Variants in ZNF749 observed in about 807,000 individuals in gnomAD.
ZNF749 encodes zinc finger protein 749.
Under a neutral mutation model 7.3 loss-of-function variants are expected in ZNF749, and 8 were observed. The observed-to-expected ratio is 1.10, with a 90% CI of 0.64 to 1.98. ZNF749 has a LOEUF of 1.98. Among genes scored for constraint, ZNF749 ranks in the 30% most tolerant of loss-of-function variants. The pLI, the probability that ZNF749 is intolerant of heterozygous loss-of-function variation, is 0.00. For synonymous variants in ZNF749, 310 were observed against 322.4 expected (o/e 0.96, Z 0.41); for missense variants, 898 against 932.4 (o/e 0.96, Z 0.48).
In ZNF749 at chr19:57,439,255, T is replaced by TG. The variant is rs1222037350; in HGVS notation, c.16-2624dup. Among the ~76,000 whole-genome samples, 1 of 149,454 alleles carries TG rather than the reference T, an allele frequency of 6.7e-6. No individual in the cohort carries two copies. The highest frequency in any genetic ancestry group is 1.5e-5 in the Non-Finnish European group (1 of 67,318). On this transcript the variant is annotated intron_variant, in intron 1 of 2. Coordinates refer to ENST00000334181, the MANE Select transcript of ZNF749 (RefSeq NM_001023561.4). This position sits in a 1 kb window ranked among gnomAD's most constrained non-coding sequence, Gnocchi z 4.3. ...GTGGCGGTGGTGGAAGTGGGAGGAG[T>TG]GGGGGGCTTCTGTATGTGTTTGATC...
At position 57,443,696 on chromosome 19, in the gene ZNF749, C is replaced by A. The variant is rs1220346935; in HGVS notation, c.548C>A (p.Thr183Asn). 1 of 1,613,994 alleles carries A rather than the reference C, an allele frequency of 6.2e-7. No individual in the cohort carries two copies. Among genetic ancestry groups the A allele is most frequent in the Admixed American group, 1.7e-5 (1 of 60,008 alleles). The change falls in exon 3 of 3, where the codon ACC (threonine) becomes AAC (asparagine). Residue 183 changes from threonine (T) to asparagine (N), a missense_variant. Thr to Asn is a moderately conservative substitution (Grantham distance 65). Transcript: ENST00000334181. ...LNSGWKLYRD[T>N]QDGEAFQGEQ... ...AGTGGGTGGAAGCTGTACAGGGATA[C>A]CCAGGATGGGGAAGCCTTTCAAGGT... is the stretch of plus-strand genomic sequence containing the variant.
Position 57,435,449 on chromosome 19 carries a change from GTTCC to G in ZNF749, c.-126_-123del, listed in dbSNP as rs2088924705. The G allele has an allele frequency of 7.3e-7, 1 of 1,373,654 alleles. No homozygotes were observed. The highest frequency in any genetic ancestry group is 2.0e-5 in the Admixed American group (1 of 50,396). 85.1% of individuals were successfully genotyped at this position (1,373,654 alleles called of 1,614,324 possible). A position where few individuals can be genotyped will look rare whatever the true frequency, so the allele number is the denominator to read the frequency against. On this transcript the variant is annotated 5_prime_UTR_variant, in exon 1 of 3. Transcript: ENST00000334181. ...AGAGCGGAAAAACGCGAGAAGCGGT[GTTCC>G]TTCTACACAGAGGCTAGAGTGCGGA... is the stretch of plus-strand genomic sequence containing the variant.
At position 57,442,176 on chromosome 19, in the gene ZNF749, T is replaced by C. The variant is rs2088997851; in HGVS notation, c.142+165T>C. 6.6e-6 allele frequency among the ~76,000 whole-genome samples: 1 copy of C among 152,210 alleles called. No individual in the cohort carries two copies. On this transcript the variant is annotated intron_variant, in intron 2 of 2. Transcript: ENST00000334181. The surrounding 1 kb of genome is among the most constrained non-coding windows in gnomAD (Gnocchi z 6.6). ...GCAGCCAGAGCTGGGCTGTGTATAC[T>C]GTACCACCTCCCCTTAAGCAGCCCC...
rs2089000354 is a variant in ZNF749 at position 57,442,375 on chromosome 19, T to C, written c.142+364T>C. On this transcript the variant is annotated intron_variant, in intron 2 of 2. Transcript: ENST00000334181. This position sits in a 1 kb window ranked among gnomAD's most constrained non-coding sequence, Gnocchi z 6.6. Reference sequence around the variant, plus strand: ...CCCTTGCTGACATACTTGGAGACAGTGTCTGTGCTAGGAATTTCAGGCACC... The same window carrying C: ...CCCTTGCTGACATACTTGGAGACAGCGTCTGTGCTAGGAATTTCAGGCACC... Among the ~76,000 whole-genome samples the C allele has an allele frequency of 6.6e-6, 1 of 152,204 alleles. No individual in the cohort carries two copies. Among genetic ancestry groups the C allele is most frequent in the Non-Finnish European group, 1.5e-5 (1 of 68,036 alleles).
chr19:57,438,975 G>A (rs1298642803), intron 1 of ZNF749, among the ~76,000 whole-genome samples: 1 of 152,230 alleles, frequency 6.6e-6, no homozygotes, highest in Non-Finnish European at 1.5e-5. Flanking sequence ...TGGCAGCAGG[G>A]TAGGAGGTTG....
Position 57,445,158 on chromosome 19 carries a change from C to T in ZNF749, c.2010C>T (p.Cys670=). 2 of 1,614,104 alleles carry T rather than the reference C, an allele frequency of 1.2e-6. No individual in the cohort carries two copies. The highest frequency in any genetic ancestry group is 1.7e-5 in the Admixed American group (1 of 60,010). ...ATACTGGAGAAAAGCCTTATGAATG[C>T]AGCAACTGTGGGAAGTTTCTTAGAT... ...RVHTGEKPYE[C]SNCGKFLRYR... is the part of the protein sequence containing the mutation. Residue 670 remains cysteine, a synonymous_variant, in exon 3 of 3, where the codon TGC becomes TGT. Transcript: ENST00000334181.
chr19:57,434,940 C>A (rs1293443244), upstream of ZNF749, among the ~76,000 whole-genome samples: 3 of 152,192 alleles, frequency 2.0e-5, no homozygotes, highest in Non-Finnish European at 4.4e-5. Context: ...TTCTTCCTTT[C>A]GGGACTTGCT....
Position 57,444,821 on chromosome 19 carries a change from G to A in ZNF749, c.1673G>A (p.Cys558Tyr), listed in dbSNP as rs751207138. The A allele has an allele frequency of 1.9e-6, 3 of 1,614,084 alleles. No individual in the cohort carries two copies. The South Asian group carries it at 3.3e-5, about 18-fold the overall frequency. ...GACCTCAGGCCAAGGCCTTATGTGT[G>A]TAGTGAATGTGGGAAGGCCTTCCTT... ...RIDLRPRPYVCSECGKAFLTQ... is the reference protein window; with the variant it reads ...RIDLRPRPYVYSECGKAFLTQ... The change falls in exon 3 of 3, where the codon TGT becomes TAT. Residue 558 changes from cysteine to tyrosine, a missense_variant. Physicochemically the swap from Cys to Tyr is radical, Grantham distance 194. Coordinates refer to ENST00000334181, the MANE Select transcript of ZNF749 (RefSeq NM_001023561.4).
chr19:57,437,639 G>A (rs28688907), intron 1 of ZNF749, among the ~76,000 whole-genome samples: 1,949 of 150,268 alleles, frequency 0.013, 49 homozygotes, highest in African/African-American at 0.045. Context: ...CAGGAGAATC[G>A]TTTGAACCCG....
At chr19:57,429,430 G>T in the ZNF749 span, among the ~76,000 whole-genome samples, 1 of 152,098 alleles carries the variant, frequency 6.6e-6, no homozygotes, top group Non-Finnish European at 1.5e-5. This position sits in a 1 kb window ranked among gnomAD's most constrained non-coding sequence, Gnocchi z 4.2. Flanking sequence ...TATATACCCA[G>T]AAGTAAAATT....
At position 57,446,033 on chromosome 19, in the gene ZNF749, TG is replaced by T. The variant is rs2089061998; in HGVS notation, c.*549del. ...TTCAGTAGTGTTAAGTCATTCGCAT[TG>T]TTGTCAATTAATATCCAGAAGTTTT... On this transcript the variant is annotated 3_prime_UTR_variant, in exon 3 of 3. Transcript: ENST00000334181. 6.6e-6 allele frequency among the ~76,000 whole-genome samples: 1 copy of T among 152,208 alleles called. No homozygotes were observed.
At chr19:57,435,743 C>T (rs993345554) in intron 1 of ZNF749, 150 bp downstream of exon 1, 15 of 1,408,404 alleles carry the variant, frequency 1.1e-5, no homozygotes, top group South Asian at 2.8e-5. Context: ...TGCGATGAGG[C>T]GGGGGAGCTC....
rs1490901090 is a variant in ZNF749, at chr19:57,442,876, C to T, written c.143-415C>T. 1.3e-5 allele frequency among the ~76,000 whole-genome samples: 2 copies of T among 152,160 alleles called. No homozygotes were observed. On this transcript the variant is annotated intron_variant, in intron 2 of 2. Coordinates refer to ENST00000334181, the MANE Select transcript of ZNF749 (RefSeq NM_001023561.4). The surrounding 1 kb of genome is among the most constrained non-coding windows in gnomAD (Gnocchi z 6.6). The stretch of plus-strand genomic sequence containing the variant: ...CCTTCATCTCTCCACCATTCTCTTC[C>T]ACCTCTCCCTTTGCAGTGCTGTCTA...
At chr19:57,438,831 C>A (rs2088959996) in intron 1 of ZNF749, among the ~76,000 whole-genome samples, 1 of 152,144 alleles carries the variant, frequency 6.6e-6, no homozygotes, top group Admixed American at 6.5e-5. Context: ...GGTCCTAGTT[C>A]CGACAACTGA....
At chr19:57,435,172 C>A (rs10413680), upstream of ZNF749, among the ~76,000 whole-genome samples, 39,502 of 151,246 alleles carry the variant, frequency 0.26, 5,534 homozygotes, top group African/African-American at 0.3. Flanking sequence ...CAGGCAGCAG[C>A]GTGGGAACTA....
chr19:57,443,228 T>C (rs2089010977), intron 2 of ZNF749, 63 bp from the exon 3 acceptor site: 2 of 1,418,816 alleles, frequency 1.4e-6, no homozygotes, highest in South Asian at 2.6e-5. Context: ...CAGACATTTG[T>C]GATGGGGCTG....
In ZNF749 at chr19:57,446,323, G is replaced by A. The variant is rs935560531; in HGVS notation, c.*838G>A. ...ATCTGAGGTGGGACAGTTTTATTCT[G>A]AAACTGTCTGCCCCCTCCTCTGTCC... On this transcript the variant is annotated 3_prime_UTR_variant, in exon 3 of 3. Coordinates refer to ENST00000334181, the MANE Select transcript of ZNF749 (RefSeq NM_001023561.4). Among the ~76,000 whole-genome samples the A allele has an allele frequency of 6.6e-6, 1 of 152,084 alleles. No individual in the cohort carries two copies. The highest frequency in any genetic ancestry group is 1.5e-5 in the Non-Finnish European group (1 of 68,022).
chr19:57,443,523 G>T lies in ZNF749; in HGVS notation c.375G>T (p.Gln125His), dbSNP rs2089016910. The change falls in exon 3 of 3, where the codon CAG becomes CAT. Residue 125 changes from glutamine (Q) to histidine (H), a missense_variant. Transcript: ENST00000334181. Reference protein sequence around the residue: ...AAEHDLHQKEQIREKLTRSDE... With the variant: ...AAEHDLHQKEHIREKLTRSDE... ...AGCATGACCTGCACCAAAAGGAGCA[G>T]ATTAGAGAGAAGCTCACCAGAAGTG... The T allele has an allele frequency of 6.2e-7, 1 of 1,614,134 alleles. No homozygotes were observed. Among genetic ancestry groups the T allele is most frequent in the Non-Finnish European group, 8.5e-7 (1 of 1,180,052 alleles).
intron 1 of ZNF749, chr19:57,437,829 A>G (rs1168399068): frequency 2.7e-6 from 1 of 374,946 alleles, no homozygotes; most frequent in Admixed American, 4.5e-5. Flanking sequence ...TAATGCTTAT[A>G]CATAGTGTGT....
Sources: allele counts gnomAD v4.1 joint callset (sites outside exome capture counted in the v4.1 genomes callset), GRCh38; gene constraint gnomAD v4.1.1; non-coding constraint Gnocchi (gnomAD v3.1); transcripts MANE v1.5; gene names NCBI Gene and HGNC (gene_info 2026-07-23, HGNC 2026-07-21).